BTBD9: variants seen among roughly 807,000 people sequenced by gnomAD.
BTBD9 encodes the protein BTB domain containing 9.
BTBD9 carries 49 observed loss-of-function variants against 64.3 expected under a neutral mutation model. That is an observed-to-expected ratio of 0.76 (90% confidence interval 0.61 to 0.97). The LOEUF is 0.97. Ranked by LOEUF, BTBD9 falls within the 50% of genes least tolerant of loss-of-function variation. BTBD9 has a pLI of 0.00. For missense variants in BTBD9, 598 were observed against 762.1 expected (o/e 0.78, Z 2.53); for synonymous variants, 260 against 274.7 (o/e 0.95, Z 0.53).
chr6:38,364,871 T>C (rs1765125233), intron 6 of BTBD9, among the ~76,000 whole-genome samples: 1 of 152,170 alleles, frequency 6.6e-6, no homozygotes, highest in South Asian at 2.1e-4. Flanking sequence ...AAGAGAGATC[T>C]TCTCTGTTCT....
intron 6 of BTBD9, among the ~76,000 whole-genome samples, chr6:38,354,988 G>A (rs1488429258): frequency 6.6e-6 from 1 of 152,000 alleles, no homozygotes; most frequent in Non-Finnish European, 1.5e-5. Context: ...GTATAGATAT[G>A]TATAATACAC....
chr6:38,518,037 T>C (rs986504590), intron 6 of BTBD9, among the ~76,000 whole-genome samples: 1 of 152,052 alleles, frequency 6.6e-6, no homozygotes, highest in South Asian at 2.1e-4. Context: ...GAATGACAAA[T>C]ATTAAAAAGT....
At position 38,314,897 on chromosome 6, in the gene BTBD9, T is replaced by C. The variant is rs181026826; in HGVS notation, c.1265-26436A>G. On this transcript the variant is annotated intron_variant, in intron 7 of 10. Transcript: ENST00000481247. ...CAAAGTCTTGCTCTGTCGCCCAGGC[T>C]GGAGTGCAGTGGCGGGATCTCGGCT... 5.3e-3 allele frequency among the ~76,000 whole-genome samples: 805 copies of C among 152,326 alleles called. 3 individuals carry two copies. The highest frequency in any genetic ancestry group is 9.9e-3 in the Non-Finnish European group (676 of 68,030).
In BTBD9 at chr6:38,171,071, C is replaced by T. The variant is rs955425985; in HGVS notation, c.*3914G>A. 4 of 152,210 alleles carry T rather than the reference C, an allele frequency of 2.6e-5. No individual in the cohort carries two copies. The highest frequency in any genetic ancestry group is 4.8e-5 in the African/African-American group (2 of 41,464). The allele number at this position is 152,210 out of a possible 1,614,324, so 9.4% of individuals were successfully genotyped here. A position where few individuals can be genotyped will look rare whatever the true frequency, so the allele number is the denominator to read the frequency against. On this transcript the variant is annotated 3_prime_UTR_variant, in exon 11 of 11. Coordinates refer to ENST00000481247, the MANE Select transcript of BTBD9 (RefSeq NM_001099272.2). ...TCTTAATTGAAGTCTGTGAGGGGAG[C>T]GCTCCATCTCTTTATCACCAAGTGG... is the stretch of plus-strand genomic sequence containing the variant.
At chr6:38,275,845 A>G (rs1247400340) in intron 8 of BTBD9, among the ~76,000 whole-genome samples, 1 of 152,092 alleles carries the variant, frequency 6.6e-6, no homozygotes, top group African/African-American at 2.4e-5. Flanking sequence ...AAGCCAGGAA[A>G]CAACAGGTGC....
chr6:38,324,094 C>T (rs1007459062), intron 7 of BTBD9, among the ~76,000 whole-genome samples: 2 of 152,070 alleles, frequency 1.3e-5, no homozygotes, highest in South Asian at 4.1e-4. Flanking sequence ...CAGCCTGTCT[C>T]GCGGTACGGG....
intron 6 of BTBD9, among the ~76,000 whole-genome samples, chr6:38,505,964 C>CCAAAAAAAAAAAAAAA (rs1772478976): frequency 1.2e-5 from 1 of 82,628 alleles, no homozygotes; most frequent in African/African-American, 4.1e-5. Flanking sequence ...TCCGTCTCAA[C>CCAAAAAAAAAAAAAAA]AAAAAAAAAA....
In BTBD9 at chr6:38,175,186, G is replaced by C. The variant is rs1766946531; in HGVS notation, c.1642-4C>G. The stretch of plus-strand genomic sequence containing the variant: ...CAAAGTGGACACAGTGGAACACCTG[G>C]GAGAGAAAAGGAAAAGACCCCATGA... On this transcript the variant is annotated splice_polypyrimidine_tract_variant and splice_region_variant and intron_variant, in intron 10 of 10. Transcript: ENST00000481247. The C allele has an allele frequency of 1.2e-6, 2 of 1,613,984 alleles. No individual in the cohort carries two copies. The highest frequency in any genetic ancestry group is 1.7e-6 in the Non-Finnish European group (2 of 1,180,026).
intron 7 of BTBD9, among the ~76,000 whole-genome samples, chr6:38,327,735 A>G (rs562657243): frequency 6.6e-6 from 1 of 152,280 alleles, no homozygotes; most frequent in East Asian, 1.9e-4. Flanking sequence ...AGATCTGTAG[A>G]TCTGCTTTCG....
At chr6:38,330,555 G>T (rs1441710601) in intron 7 of BTBD9, among the ~76,000 whole-genome samples, 2 of 151,812 alleles carry the variant, frequency 1.3e-5, no homozygotes, top group African/African-American at 4.8e-5. Context: ...TATTAGAGAC[G>T]CCATCTCTAA....
At chr6:38,563,875 G>A (rs1038092131) in intron 6 of BTBD9, among the ~76,000 whole-genome samples, 2 of 146,798 alleles carry the variant, frequency 1.4e-5, no homozygotes, top group South Asian at 2.2e-4. Context: ...TCCGCCTCCC[G>A]GTTCCATGCC....
intron 6 of BTBD9, among the ~76,000 whole-genome samples, chr6:38,386,630 C>A (rs1210666509): frequency 2.2e-5 from 2 of 92,768 alleles, no homozygotes; most frequent in African/African-American, 9.0e-5. Context: ...CCAGTTTACT[C>A]TTTTTTTTTT....
intron 6 of BTBD9, among the ~76,000 whole-genome samples, chr6:38,548,540 C>A: frequency 6.6e-6 from 1 of 152,100 alleles, no homozygotes; most frequent in Admixed American, 6.5e-5. Context: ...CAAAATCGTG[C>A]ATTCCTAGAT....
At chr6:38,198,057 A>G (rs1561861287) in intron 9 of BTBD9, among the ~76,000 whole-genome samples, 1 of 152,246 alleles carries the variant, frequency 6.6e-6, no homozygotes, top group Non-Finnish European at 1.5e-5. Context: ...ATATGCAAAA[A>G]ATATTAAATA....
intron 6 of BTBD9, among the ~76,000 whole-genome samples, chr6:38,419,826 C>T (rs767788165): frequency 1.3e-5 from 2 of 152,106 alleles, no homozygotes; most frequent in Admixed American, 6.5e-5. Context: ...GCCGAGATCG[C>T]GACACTGCAC....
chr6:38,338,798 A>C (rs1763994445), intron 7 of BTBD9, among the ~76,000 whole-genome samples: 1 of 152,230 alleles, frequency 6.6e-6, no homozygotes, highest in Admixed American at 6.5e-5. Context: ...TAGAAGACTC[A>C]TAAGAAGAGA....
At chr6:38,392,667 A>G (rs1423201212) in intron 6 of BTBD9, among the ~76,000 whole-genome samples, 1 of 152,214 alleles carries the variant, frequency 6.6e-6, no homozygotes, top group Non-Finnish European at 1.5e-5. Context: ...ACACGTAGCA[A>G]GAAAGAAATG....
rs769076937 is a variant in BTBD9, at chr6:38,284,148, C to G, written c.1454+4124G>C. On this transcript the variant is annotated intron_variant, in intron 8 of 10. Transcript: ENST00000481247. Reference sequence around the variant, plus strand: ...GAGACGTGTCTCTTTGAAGGCTCAGCCAGTTATACAGAGCTTCAATTGCAT... The same window carrying G: ...GAGACGTGTCTCTTTGAAGGCTCAGGCAGTTATACAGAGCTTCAATTGCAT... Among the ~76,000 whole-genome samples the G allele has an allele frequency of 1.4e-3, 210 of 152,000 alleles. 1 individual carries two copies. Among genetic ancestry groups the G allele is most frequent in the African/African-American group, 2.1e-3 (88 of 41,376 alleles).
At chr6:38,396,897 CTT>C (rs146597621) in intron 6 of BTBD9, among the ~76,000 whole-genome samples, 6,063 of 107,278 alleles carry the variant, frequency 0.057, 125 homozygotes, top group African/African-American at 0.2. Flanking sequence ...TTTTCTTTTT[CTT>C]TTTTTTTTTT....
Sources: gnomAD v4.1 joint callset for allele counts (sites outside exome capture counted in the v4.1 genomes callset) on GRCh38, gnomAD v4.1.1 for gene constraint, MANE v1.5 for transcripts, NCBI Gene and HGNC (gene_info 2026-07-23, HGNC 2026-07-21) for gene names.